The following GRIP1 variants were observed in gnomAD, a reference collection of about 807,000 sequenced individuals.
GRIP1 encodes glutamate receptor interacting protein 1.
In GRIP1, 45 loss-of-function variants were observed where a neutral mutation model predicts 129.9. The observed-to-expected ratio is 0.35, with a 90% CI of 0.27 to 0.44. The LOEUF (loss-of-function observed/expected upper bound fraction) is 0.44. Ranked by LOEUF, GRIP1 falls within the 20% of genes least tolerant of loss-of-function variation. The pLI, the probability that GRIP1 is intolerant of heterozygous loss-of-function variation, is 1.00. For synonymous variants in GRIP1, 530 were observed against 520.8 expected (o/e 1.02, Z -0.24); for missense variants, 1,196 against 1,396.8 (o/e 0.86, Z 2.29).
Position 67,033,273 on chromosome 12 carries a change from A to G in GRIP1, c.58+35777T>C, listed in dbSNP as rs528976788. 3.6e-3 allele frequency among the ~76,000 whole-genome samples: 268 copies of G among 75,146 alleles called. 1 individual carries two copies. The highest frequency in any genetic ancestry group is 0.011 in the African/African-American group (241 of 21,696). The allele number at this position is 75,146 out of a possible 152,430, so 49.3% of individuals were successfully genotyped here. ...AGACCTGGGATCAAAGACTACATGTATATATATATATATATATATAAAGAC... is the reference window on the plus strand; with the variant it reads ...AGACCTGGGATCAAAGACTACATGTGTATATATATATATATATATAAAGAC... On this transcript the variant is annotated intron_variant, in intron 1 of 1. Transcript: ENST00000643019.
intron 1 of GRIP1, among the ~76,000 whole-genome samples, chr12:66,651,292 TCAA>T (rs1047065599): frequency 6.6e-6 from 1 of 152,170 alleles, no homozygotes; most frequent in Non-Finnish European, 1.5e-5. Flanking sequence ...TAAAGCAGGA[TCAA>T]TATTTGGTTT....
At chr12:66,813,258 G>A (rs1469077716) in intron 1 of GRIP1, among the ~76,000 whole-genome samples, 4 of 152,054 alleles carry the variant, frequency 2.6e-5, no homozygotes, top group African/African-American at 7.2e-5. Context: ...AAAAGGTGCC[G>A]GGCTCCTTGT....
intron 1 of GRIP1, among the ~76,000 whole-genome samples, chr12:66,645,850 G>C (rs2032320049): frequency 6.6e-6 from 1 of 152,172 alleles, no homozygotes; most frequent in Non-Finnish European, 1.5e-5. Flanking sequence ...CTCTGATCCA[G>C]GTTAACCTTT....
chr12:66,755,805 T>C (rs80032484), intron 1 of GRIP1, among the ~76,000 whole-genome samples: 1 of 152,192 alleles, frequency 6.6e-6, no homozygotes, highest in East Asian at 1.9e-4. Context: ...CCTATGAGAA[T>C]GGGGAGAGAG....
At chr12:66,785,687 G>C (rs1938674108) in intron 1 of GRIP1, among the ~76,000 whole-genome samples, 1 of 151,820 alleles carries the variant, frequency 6.6e-6, no homozygotes, top group South Asian at 2.1e-4. Flanking sequence ...AGATTCATTT[G>C]GGTTAATAAG....
chr12:66,868,779 G>A (rs946063385), intron 1 of GRIP1, among the ~76,000 whole-genome samples: 1 of 152,068 alleles, frequency 6.6e-6, no homozygotes, highest in Non-Finnish European at 1.5e-5. Context: ...GATGTTCTCG[G>A]TCTAATTGAC....
At chr12:66,889,796 C>T (rs1196044598) in intron 1 of GRIP1, among the ~76,000 whole-genome samples, 1 of 152,194 alleles carries the variant, frequency 6.6e-6, no homozygotes. Context: ...TTTGGAGCTA[C>T]ATTTCTAATA....
intron 5 of GRIP1, among the ~76,000 whole-genome samples, chr12:66,521,384 GCATA>G (rs1419328360): frequency 6.6e-6 from 1 of 152,184 alleles, no homozygotes; most frequent in African/African-American, 2.4e-5. Context: ...ATTCTTTGAT[GCATA>G]CATATTTATT....
At chr12:66,914,664 C>A (rs991105163) in intron 1 of GRIP1, among the ~76,000 whole-genome samples, 1 of 152,152 alleles carries the variant, frequency 6.6e-6, no homozygotes, top group African/African-American at 2.4e-5. Flanking sequence ...TGGCTCTTAG[C>A]CTTCCCTGTT....
chr12:66,796,390 G>A (rs1356872759), intron 1 of GRIP1, among the ~76,000 whole-genome samples: 1 of 151,982 alleles, frequency 6.6e-6, no homozygotes, highest in African/African-American at 2.4e-5. Flanking sequence ...AGATGGCAAG[G>A]GAAGTACTGT....
chr12:66,996,855 C>G (rs749983230), intron 1 of GRIP1, among the ~76,000 whole-genome samples: 1 of 152,128 alleles, frequency 6.6e-6, no homozygotes, highest in Non-Finnish European at 1.5e-5. Flanking sequence ...CAGTCCAAAC[C>G]TGAGGAAAAC....
chr12:66,679,185 C>T (rs888118317), upstream of GRIP1: 1 of 1,318,362 alleles, frequency 7.6e-7, no homozygotes, highest in Non-Finnish European at 9.8e-7. Flanking sequence ...AGCAACAAAG[C>T]ACCAAATTGT....
chr12:66,514,527 AAG>A (rs2060789700), intron 7 of GRIP1, among the ~76,000 whole-genome samples: 1 of 152,124 alleles, frequency 6.6e-6, no homozygotes, highest in Non-Finnish European at 1.5e-5. Context: ...TAACAAAAAG[AAG>A]AGAGAAAGAA....
At chr12:67,019,827 G>A (rs1048618681) in intron 1 of GRIP1, among the ~76,000 whole-genome samples, 10 of 151,570 alleles carry the variant, frequency 6.6e-5, no homozygotes, top group Non-Finnish European at 1.5e-4. Flanking sequence ...CATACACACA[G>A]GCACATACAC....
intron 1 of GRIP1, among the ~76,000 whole-genome samples, chr12:66,638,228 A>G (rs1482018921): frequency 2.6e-5 from 4 of 152,204 alleles, no homozygotes; most frequent in African/African-American, 9.6e-5. Context: ...GAAACCCCTA[A>G]CAAATACCAT....
At chr12:66,579,633 G>A (rs571698908) in intron 2 of GRIP1, among the ~76,000 whole-genome samples, 19 of 152,290 alleles carry the variant, frequency 1.2e-4, no homozygotes, top group South Asian at 1.0e-3. Flanking sequence ...GAGCCGATGC[G>A]ATCAACTGGA....
intron 7 of GRIP1, among the ~76,000 whole-genome samples, chr12:66,469,996 A>G (rs1439952483): frequency 1.3e-5 from 2 of 152,036 alleles, no homozygotes; most frequent in African/African-American, 4.8e-5. Flanking sequence ...CTTCTCCCAG[A>G]TCCTTATAAA....
chr12:66,471,511 C>G (rs2059437938), intron 7 of GRIP1, among the ~76,000 whole-genome samples: 1 of 152,156 alleles, frequency 6.6e-6, no homozygotes. Context: ...TGAATTGTAT[C>G]TTTAAAATGA....
intron 13 of GRIP1, among the ~76,000 whole-genome samples, chr12:66,436,814 C>T (rs935668919): frequency 6.6e-6 from 1 of 151,826 alleles, no homozygotes; most frequent in Non-Finnish European, 1.5e-5. Flanking sequence ...GAAACCTTGT[C>T]TCTACTAAAG....
Sources: gnomAD v4.1 joint callset for allele counts (sites outside exome capture counted in the v4.1 genomes callset) on GRCh38, gnomAD v4.1.1 for gene constraint, MANE v1.5 for transcripts, NCBI Gene and HGNC (gene_info 2026-07-23, HGNC 2026-07-21) for gene names.